The following BRIP1 variants were observed in gnomAD, a reference collection of about 807,000 sequenced individuals.
BRIP1 encodes BRCA1 interacting DNA helicase 1, also known as Fanconi anemia group J protein.
Under a neutral mutation model 119.7 loss-of-function variants are expected in BRIP1, and 88 were observed. The ratio of observed to expected loss-of-function variants is 0.74; its 90% CI spans 0.62 to 0.88. BRIP1 has a LOEUF of 0.88. BRIP1 is among the 40% of genes least tolerant of loss of function. The probability of loss-of-function intolerance (pLI) is 0.00; values close to 1 mark genes in which losing one functional copy is unlikely to be tolerated. For missense variants in BRIP1, 1,259 were observed against 1,455.4 expected (o/e 0.87, Z 2.20); for synonymous variants, 443 against 496.5 (o/e 0.89, Z 1.43).
chr17:61,791,919 TAG>T (rs974507206), intron 10 of BRIP1, among the ~76,000 whole-genome samples: 4 of 152,322 alleles, frequency 2.6e-5, no homozygotes, highest in African/African-American at 9.6e-5. Context: ...ATAAGCCTGA[TAG>T]AAAGACAAAT....
At position 61,853,111 on chromosome 17, in the gene BRIP1, G is replaced by A. The variant is rs1030182122; in HGVS notation, c.380-3855C>T. On this transcript the variant is annotated intron_variant, in intron 4 of 19. Transcript: ENST00000259008. The surrounding 1 kb of genome is among the most constrained non-coding windows in gnomAD (Gnocchi z 4.3). Reference sequence around the variant, plus strand: ...CTGTAGAACAGATTAATAAACTGTGGTATATTCATACAAGGAAATAATACA... The same window carrying A: ...CTGTAGAACAGATTAATAAACTGTGATATATTCATACAAGGAAATAATACA... Among the ~76,000 whole-genome samples, 1 of 152,058 alleles carries A rather than the reference G, an allele frequency of 6.6e-6. No homozygotes were observed. Among genetic ancestry groups the A allele is most frequent in the Non-Finnish European group, 1.5e-5 (1 of 68,022 alleles).
rs1051445297 is a variant in BRIP1 at position 61,752,655 on chromosome 17, G to C, written c.2098-8064C>G. On this transcript the variant is annotated intron_variant, in intron 14 of 19. Coordinates refer to ENST00000259008, the MANE Select transcript of BRIP1 (RefSeq NM_032043.3). The surrounding 1 kb of genome is among the most constrained non-coding windows in gnomAD (Gnocchi z 6.2). Reference sequence around the variant, plus strand: ...CCTACAAGTACGTGAATCCTTAAATGCTCTCTGAATAGGCCAATCATCATA... The same window carrying C: ...CCTACAAGTACGTGAATCCTTAAATCCTCTCTGAATAGGCCAATCATCATA... Among the ~76,000 whole-genome samples, 13 of 152,144 alleles carry C rather than the reference G, an allele frequency of 8.5e-5. No homozygotes were observed. Among genetic ancestry groups the C allele is most frequent in the Non-Finnish European group, 8.8e-5 (6 of 68,020 alleles).
In BRIP1 at chr17:61,798,851, G is replaced by A. The variant is rs1311334759; in HGVS notation, c.1340+249C>T. On this transcript the variant is annotated intron_variant, in intron 9 of 19. Transcript: ENST00000259008. This position sits in a 1 kb window ranked among gnomAD's most constrained non-coding sequence, Gnocchi z 5.5. The stretch of plus-strand genomic sequence containing the variant: ...TAGACACATCCTTCGGGGCTATTAT[G>A]TTATCCTGCCAAATTAGGAATAAGA... Among the ~76,000 whole-genome samples, 3 of 151,966 alleles carry A rather than the reference G, an allele frequency of 2.0e-5. No individual in the cohort carries two copies. Among genetic ancestry groups the A allele is most frequent in the Non-Finnish European group, 4.4e-5 (3 of 67,936 alleles).
chr17:61,680,600 C>T lies in BRIP1; in HGVS notation c.*2696G>A, dbSNP rs1177473932. ...GTTCACGCCATTCTCCTGCCTCAGC[C>T]TCCTGAGTAGCTGGGACTACAGGCG... On this transcript the variant is annotated 3_prime_UTR_variant, in exon 20 of 20. Coordinates refer to ENST00000259008, the MANE Select transcript of BRIP1 (RefSeq NM_032043.3). Among the ~76,000 whole-genome samples, 1 of 151,266 alleles carries T rather than the reference C, an allele frequency of 6.6e-6. No individual in the cohort carries two copies. Among genetic ancestry groups the T allele is most frequent in the Non-Finnish European group, 1.5e-5 (1 of 67,864 alleles).
intron 6 of BRIP1, among the ~76,000 whole-genome samples, chr17:61,839,985 C>G (rs1349609478): frequency 6.6e-6 from 1 of 152,096 alleles, no homozygotes; most frequent in Non-Finnish European, 1.5e-5. Flanking sequence ...AGGTACTCAA[C>G]CAAGGGCACA....
rs1363308059 is a variant in BRIP1 at position 61,744,366 on chromosome 17, A to G, written c.2257+66T>C. ...AATTCATCTAAAAATATAAAATTATAATTGTACCTTCTTACTTTGTAATAA... is the reference window on the plus strand; with the variant it reads ...AATTCATCTAAAAATATAAAATTATGATTGTACCTTCTTACTTTGTAATAA... On this transcript the variant is annotated intron_variant, in intron 15 of 19. Coordinates refer to ENST00000259008, the MANE Select transcript of BRIP1 (RefSeq NM_032043.3). This position sits in a 1 kb window ranked among gnomAD's most constrained non-coding sequence, Gnocchi z 5.0. 2.6e-6 allele frequency: 4 copies of G among 1,512,634 alleles called. No individual in the cohort carries two copies. The highest frequency in any genetic ancestry group is 3.7e-6 in the Non-Finnish European group (4 of 1,092,882). 93.7% of individuals were successfully genotyped at this position (1,512,634 alleles called of 1,614,324 possible).
At chr17:61,849,581 T>C (rs965242427) in intron 4 of BRIP1, among the ~76,000 whole-genome samples, 1 of 152,202 alleles carries the variant, frequency 6.6e-6, no homozygotes, top group African/African-American at 2.4e-5. Context: ...TCTGTAAAAA[T>C]CTTTCTTTAC....
chr17:61,755,329 G>A lies in BRIP1; in HGVS notation c.2098-10738C>T, dbSNP rs150667775. On this transcript the variant is annotated intron_variant, in intron 14 of 19. Transcript: ENST00000259008. The surrounding 1 kb of genome is among the most constrained non-coding windows in gnomAD (Gnocchi z 4.5). Reference sequence around the variant, plus strand: ...AATCCCAGCACTTTGAGATGCTGAGGCTGGAGGATCACTTGAGCCCAGGAG... The same window carrying A: ...AATCCCAGCACTTTGAGATGCTGAGACTGGAGGATCACTTGAGCCCAGGAG... Among the ~76,000 whole-genome samples the A allele has an allele frequency of 3.1e-4, 47 of 152,228 alleles. No individual in the cohort carries two copies. The highest frequency in any genetic ancestry group is 1.1e-3 in the African/African-American group (44 of 41,552).
At chr17:61,777,164 C>G (rs746501597) in intron 13 of BRIP1, among the ~76,000 whole-genome samples, 33 of 152,100 alleles carry the variant, frequency 2.2e-4, no homozygotes, top group Non-Finnish European at 3.8e-4. Context: ...AAGATATTCA[C>G]AATATTAATA....
chr17:61,732,223 T>C (rs1482324622), intron 16 of BRIP1, among the ~76,000 whole-genome samples: 1 of 152,052 alleles, frequency 6.6e-6, no homozygotes, highest in Non-Finnish European at 1.5e-5. Context: ...CCTCAAGTGA[T>C]CCACCCACCT....
intron 6 of BRIP1, among the ~76,000 whole-genome samples, chr17:61,812,662 T>A (rs1240677128): frequency 6.6e-6 from 1 of 151,344 alleles, no homozygotes; most frequent in African/African-American, 2.4e-5. Flanking sequence ...CCATGTGCAG[T>A]AGCCAATTGT....
Position 61,695,541 on chromosome 17 carries a change from A to G in BRIP1, c.2493-2029T>C, listed in dbSNP as rs918558134. ...TGCCAGAAAGTCAGCTGGGATTTTG[A>G]TTAGTATTGTATTTAACCTCTATAT... On this transcript the variant is annotated intron_variant, in intron 17 of 19. Transcript: ENST00000259008. The surrounding 1 kb of genome is among the most constrained non-coding windows in gnomAD (Gnocchi z 4.3). Among the ~76,000 whole-genome samples the G allele has an allele frequency of 2.6e-5, 4 of 152,066 alleles. No individual in the cohort carries two copies. Among genetic ancestry groups the G allele is most frequent in the African/African-American group, 7.2e-5 (3 of 41,430 alleles).
intron 16 of BRIP1, among the ~76,000 whole-genome samples, chr17:61,741,739 T>C (rs1229521125): frequency 6.6e-6 from 1 of 152,230 alleles, no homozygotes; most frequent in Non-Finnish European, 1.5e-5. Context: ...AACCATGCTG[T>C]AAACAGATGT....
chr17:61,841,189 G>A lies in BRIP1; in HGVS notation c.627+5912C>T, dbSNP rs1288809365. On this transcript the variant is annotated intron_variant, in intron 6 of 19. Transcript: ENST00000259008. This position sits in a 1 kb window ranked among gnomAD's most constrained non-coding sequence, Gnocchi z 4.1. ...TTATGGGTAAGAATTCAAAAGTACAGGCAACAAAAACAAAAATAGACAAAT... is the reference window on the plus strand; with the variant it reads ...TTATGGGTAAGAATTCAAAAGTACAAGCAACAAAAACAAAAATAGACAAAT... Among the ~76,000 whole-genome samples, 1 of 151,942 alleles carries A rather than the reference G, an allele frequency of 6.6e-6. No individual in the cohort carries two copies. The highest frequency in any genetic ancestry group is 2.4e-5 in the African/African-American group (1 of 41,402).
chr17:61,690,459 TAC>T lies in BRIP1; in HGVS notation c.2575+2969_2575+2970del, dbSNP rs2061431876. On this transcript the variant is annotated intron_variant, in intron 18 of 19. Transcript: ENST00000259008. The surrounding 1 kb of genome is among the most constrained non-coding windows in gnomAD (Gnocchi z 5.6). ...GGGAAAAGTAAAAGTGTAGAGTTTA[TAC>T]AACTGAAATGAATTTGTTAGCTGAA... Among the ~76,000 whole-genome samples, 1 of 152,218 alleles carries T rather than the reference TAC, an allele frequency of 6.6e-6. No individual in the cohort carries two copies. Among genetic ancestry groups the T allele is most frequent in the Non-Finnish European group, 1.5e-5 (1 of 68,026 alleles).
In BRIP1 at chr17:61,843,664, CTT is replaced by C. The variant is rs1318328627; in HGVS notation, c.627+3435_627+3436del. 2.0e-5 allele frequency among the ~76,000 whole-genome samples: 3 copies of C among 152,118 alleles called. No homozygotes were observed. The highest frequency in any genetic ancestry group is 7.2e-5 in the African/African-American group (3 of 41,424). On this transcript the variant is annotated intron_variant, in intron 6 of 19. Transcript: ENST00000259008. The surrounding 1 kb of genome is among the most constrained non-coding windows in gnomAD (Gnocchi z 5.7). ...TTTCCATGTGACAAGTTTGCTCTCT[CTT>C]TGTCTTCTGGCATGCTTGTAAGCTT...
In BRIP1 at chr17:61,683,757, C is replaced by G. The variant is rs770509300; in HGVS notation, c.3289G>C (p.Glu1097Gln). The change falls in exon 20 of 20, where the codon GAA (glutamate) becomes CAA (glutamine). Residue 1097 changes from glutamate (E) to glutamine (Q), a missense_variant. By Grantham distance (29) the Glu-to-Gln change is conservative. Transcript: ENST00000259008. This position sits in a 1 kb window ranked among gnomAD's most constrained non-coding sequence, Gnocchi z 4.7. ...NHSEHPLCSE[E>Q]ALDPDIELSL... Reference sequence around the variant, plus strand: ...AATTCAATGTCTGGATCCAGGGCTTCTTCAGAACAGAGCGGATGTTCAGAA... The same window carrying G: ...AATTCAATGTCTGGATCCAGGGCTTGTTCAGAACAGAGCGGATGTTCAGAA... 1 of 1,614,138 alleles carries G rather than the reference C, an allele frequency of 6.2e-7. No individual in the cohort carries two copies.
chr17:61,746,480 G>C lies in BRIP1; in HGVS notation c.2098-1889C>G, dbSNP rs2077059218. ...ATTTAAGGATACCCATAGGCTGAAA[G>C]TGAAGGGATAGAAAAAGATATTACT... On this transcript the variant is annotated intron_variant, in intron 14 of 19. Transcript: ENST00000259008. This position sits in a 1 kb window ranked among gnomAD's most constrained non-coding sequence, Gnocchi z 4.9. Among the ~76,000 whole-genome samples, 1 of 152,088 alleles carries C rather than the reference G, an allele frequency of 6.6e-6. No homozygotes were observed. Among genetic ancestry groups the C allele is most frequent in the Admixed American group, 6.6e-5 (1 of 15,262 alleles).
Position 61,789,802 on chromosome 17 carries a change from T to C in BRIP1, c.1473+3795A>G, listed in dbSNP as rs2077787843. 6.6e-6 allele frequency among the ~76,000 whole-genome samples: 1 copy of C among 152,206 alleles called. No individual in the cohort carries two copies. Among genetic ancestry groups the C allele is most frequent in the African/African-American group, 2.4e-5 (1 of 41,464 alleles). On this transcript the variant is annotated intron_variant, in intron 10 of 19. Transcript: ENST00000259008. This position sits in a 1 kb window ranked among gnomAD's most constrained non-coding sequence, Gnocchi z 4.8. ...ATGTGTCATATCAGAAATATATTTATAATAAGCAAATATGGGCATAGAAGA... is the reference window on the plus strand; with the variant it reads ...ATGTGTCATATCAGAAATATATTTACAATAAGCAAATATGGGCATAGAAGA...
Sources: allele counts gnomAD v4.1 joint callset (sites outside exome capture counted in the v4.1 genomes callset), GRCh38; gene constraint gnomAD v4.1.1; non-coding constraint Gnocchi (gnomAD v3.1); transcripts MANE v1.5; gene names NCBI Gene and HGNC (gene_info 2026-07-23, HGNC 2026-07-21).